Variants in USP12 observed in about 807,000 individuals in gnomAD.
USP12 encodes ubiquitin specific peptidase 12, also known as ubiquitin carboxyl-terminal hydrolase 12.
Under a neutral mutation model 45.5 loss-of-function variants are expected in USP12, and 19 were observed. That is an observed-to-expected ratio of 0.42 (90% CI 0.29 to 0.61). USP12 has a LOEUF of 0.61. Ranked by LOEUF, USP12 falls within the 20% of genes least tolerant of loss-of-function variation. The probability of loss-of-function intolerance (pLI) is 0.22; values close to 1 mark genes in which losing one functional copy is unlikely to be tolerated. For missense variants in USP12, 242 were observed against 447.7 expected (o/e 0.54, Z 4.15); for synonymous variants, 149 against 148.8 (o/e 1.00, Z -0.01).
rs567815057 is a variant in USP12 at position 27,136,089 on chromosome 13, G to A, written c.49-19493C>T. ...TTAGGTGATTACAATAAAGTAAACC[G>A]CTTTCCATGTTCTGTTTAACCCACT... On this transcript the variant is annotated intron_variant, in intron 1 of 8. Transcript: ENST00000282344. Among the ~76,000 whole-genome samples, 3 of 152,264 alleles carry A rather than the reference G, an allele frequency of 2.0e-5. 1 individual carries two copies. Among genetic ancestry groups the A allele is most frequent in the East Asian group, 1.9e-4 (1 of 5,182 alleles).
intron 1 of USP12, among the ~76,000 whole-genome samples, chr13:27,164,132 TCACTAAAATAAAAAG>T (rs944172552): frequency 6.6e-6 from 1 of 150,452 alleles, no homozygotes; most frequent in African/African-American, 2.4e-5. Context: ...GCTTAGTAGG[TCACTAAAATAAAAAG>T]CACTAAAATA....
At chr13:27,167,780 AGAG>A (rs1878413963) in intron 1 of USP12, among the ~76,000 whole-genome samples, 1 of 152,148 alleles carries the variant, frequency 6.6e-6, no homozygotes, top group Non-Finnish European at 1.5e-5. Flanking sequence ...TGTTATATGA[AGAG>A]GAGACTTTCA....
intron 4 of USP12, among the ~76,000 whole-genome samples, chr13:27,095,288 T>C (rs533752675): frequency 6.6e-6 from 1 of 152,190 alleles, no homozygotes; most frequent in Non-Finnish European, 1.5e-5. Flanking sequence ...GCCTCCCTGA[T>C]CTGTATGATC....
intron 6 of USP12, among the ~76,000 whole-genome samples, chr13:27,084,169 TACACACACACACACACACAC>T (rs374948699): frequency 1.8e-4 from 26 of 142,412 alleles, no homozygotes; most frequent in Non-Finnish European, 2.6e-4. Flanking sequence ...CATGTTTGCA[TACACACACACACACACACAC>T]ACACACACAC....
intron 3 of USP12, among the ~76,000 whole-genome samples, chr13:27,099,205 G>A (rs1302921233): frequency 6.6e-6 from 1 of 152,236 alleles, no homozygotes; most frequent in Non-Finnish European, 1.5e-5. Context: ...AGGAAGCAGA[G>A]AGCACTCAGG....
Position 27,086,181 on chromosome 13 carries a change from AAAAAAAAAAAAAAAAAATATAT to A in USP12, c.734+3680_734+3701del, listed in dbSNP as rs1460389099. Among the ~76,000 whole-genome samples the A allele has an allele frequency of 5.9e-3, 174 of 29,448 alleles. 10 individuals carry two copies. Among genetic ancestry groups the A allele is most frequent in the Non-Finnish European group, 9.7e-3 (152 of 15,750 alleles). The allele number at this position is 29,448 out of a possible 152,430, so 19.3% of individuals were successfully genotyped here. On this transcript the variant is annotated intron_variant, in intron 6 of 8. Transcript: ENST00000282344. ...AGAGATCTTTTGTCTCTTTAAAAAAAAAAAAAAAAAAAAAAAATATATATATATATATATATATGCGCACATA... is the reference window on the plus strand; with the variant it reads ...AGAGATCTTTTGTCTCTTTAAAAAAAATATATATATATATATGCGCACATA...
intron 1 of USP12, among the ~76,000 whole-genome samples, chr13:27,167,283 A>G (rs7337059): frequency 0.011 from 1,621 of 152,120 alleles, 34 homozygotes; most frequent in African/African-American, 0.037. Context: ...TAAAATAAAT[A>G]AATAAATAAC....
intron 4 of USP12, among the ~76,000 whole-genome samples, chr13:27,095,056 T>C (rs1482215665): frequency 4.6e-5 from 7 of 152,054 alleles, no homozygotes; most frequent in African/African-American, 7.2e-5. Context: ...TTATGAGGCT[T>C]AGATGGAAGG....
intron 6 of USP12, 110 bp from the exon 7 acceptor site, chr13:27,075,498 T>C: frequency 1.0e-6 from 1 of 989,650 alleles, no homozygotes; most frequent in Non-Finnish European, 1.5e-6. Context: ...TCAGTTTTAA[T>C]AGCCCAGCAA....
chr13:27,121,908 A>G (rs1876010127), intron 1 of USP12, among the ~76,000 whole-genome samples: 1 of 152,180 alleles, frequency 6.6e-6, no homozygotes, highest in African/African-American at 2.4e-5. Context: ...GATGTAAAAC[A>G]AATGTCTCAT....
rs558065925 is a variant in USP12 at position 27,096,404 on chromosome 13, T to C, written c.344-574A>G. On this transcript the variant is annotated intron_variant, in intron 3 of 8. Transcript: ENST00000282344. ...TCTATATAATCCAGATAATCTCAAG[T>C]CCCTTCCAAATGTGAGACTTTATAA... is the stretch of plus-strand genomic sequence containing the variant. Among the ~76,000 whole-genome samples, 5 of 152,284 alleles carry C rather than the reference T, an allele frequency of 3.3e-5. No individual in the cohort carries two copies. In the East Asian group the frequency reaches 9.6e-4, roughly 29 times the overall value.
intron 6 of USP12, among the ~76,000 whole-genome samples, chr13:27,075,934 G>A (rs1048973715): frequency 2.6e-5 from 4 of 151,068 alleles, no homozygotes; most frequent in African/African-American, 4.9e-5. Context: ...GGAAGCTGGG[G>A]CAGGAGAATC....
rs982282322 is a variant in USP12, at chr13:27,170,207, A to G, written c.48+1385T>C. The G allele has an allele frequency of 2.0e-5, 8 of 398,076 alleles. No individual in the cohort carries two copies. In the East Asian group the frequency reaches 2.5e-4, roughly 12 times the overall value. 24.7% of individuals were successfully genotyped at this position (398,076 alleles called of 1,614,324 possible). ...GGAGTCTTCAATGATTCATCCTTCAATATGATTTCTTTAATACTGTCGATT... is the reference window on the plus strand; with the variant it reads ...GGAGTCTTCAATGATTCATCCTTCAGTATGATTTCTTTAATACTGTCGATT... On this transcript the variant is annotated intron_variant, in intron 1 of 8. Coordinates refer to ENST00000282344, the MANE Select transcript of USP12 (RefSeq NM_182488.4).
At chr13:27,105,580 G>A (rs898863216) in intron 3 of USP12, 151 bp downstream of exon 3, 1 of 680,808 alleles carries the variant, frequency 1.5e-6, no homozygotes, top group African/African-American at 1.8e-5. Flanking sequence ...CACTAAACGA[G>A]TGCCTCTTTG....
chr13:27,158,476 A>G (rs992924444), intron 1 of USP12, among the ~76,000 whole-genome samples: 3 of 152,220 alleles, frequency 2.0e-5, no homozygotes, highest in African/African-American at 7.2e-5. Flanking sequence ...AAGCAATTTC[A>G]TCATGGTGCG....
intron 1 of USP12, among the ~76,000 whole-genome samples, chr13:27,168,131 A>G (rs1450096029): frequency 2.6e-5 from 4 of 152,160 alleles, no homozygotes; most frequent in Admixed American, 2.6e-4. Flanking sequence ...TACCTTTACC[A>G]GCTTTGGCCT....
intron 1 of USP12, among the ~76,000 whole-genome samples, chr13:27,123,274 C>T (rs1447776876): frequency 6.6e-6 from 1 of 152,120 alleles, no homozygotes; most frequent in African/African-American, 2.4e-5. Flanking sequence ...TCTTTCCAGA[C>T]CTCAGTTTCC....
intron 3 of USP12, among the ~76,000 whole-genome samples, chr13:27,103,607 AAAT>A (rs1555234498): frequency 1.3e-4 from 17 of 128,510 alleles, no homozygotes; most frequent in East Asian, 2.3e-4. Flanking sequence ...TCAAAAAAAA[AAAT>A]AATAATAATA....
At chr13:27,135,084 A>C (rs1387806055) in intron 1 of USP12, among the ~76,000 whole-genome samples, 1 of 152,184 alleles carries the variant, frequency 6.6e-6, no homozygotes, top group Non-Finnish European at 1.5e-5. Flanking sequence ...CAGAAGTTTG[A>C]GACCAGCCTG....
Sources: gnomAD v4.1 joint callset for allele counts (sites outside exome capture counted in the v4.1 genomes callset) on GRCh38, gnomAD v4.1.1 for gene constraint, MANE v1.5 for transcripts, NCBI Gene and HGNC (gene_info 2026-07-23, HGNC 2026-07-21) for gene names.